The following SULT1C2 variants were observed in gnomAD, a reference collection of about 807,000 sequenced individuals.
SULT1C2 encodes sulfotransferase family 1C member 2.
Under a neutral mutation model 36.0 loss-of-function variants are expected in SULT1C2, and 27 were observed. That is an observed-to-expected ratio of 0.75 (90% confidence interval 0.55 to 1.03). The LOEUF (loss-of-function observed/expected upper bound fraction) is 1.03, where lower values mean the gene tolerates loss of function less well. Among genes scored for constraint, SULT1C2 ranks in the 50% least tolerant of loss-of-function variants. The pLI, the probability that SULT1C2 is intolerant of heterozygous loss-of-function variation, is 0.00. For synonymous variants in SULT1C2, 121 were observed against 116.0 expected (o/e 1.04, Z -0.27); for missense variants, 395 against 359.2 (o/e 1.10, Z -0.80).
At chr2:108,305,729 C>A in intron 7 of SULT1C2, 134 bp downstream of exon 7, 1 of 1,168,104 alleles carries the variant, frequency 8.6e-7, no homozygotes, top group Non-Finnish European at 1.2e-6. Context: ...TCTAATAAAA[C>A]CAGGGATTTG....
intron 7 of SULT1C2, among the ~76,000 whole-genome samples, chr2:108,306,650 G>A (rs1677031765): frequency 1.3e-5 from 2 of 152,134 alleles, no homozygotes; most frequent in African/African-American, 4.8e-5. Context: ...GCTCACGCCT[G>A]TAATCCCAGC....
At position 108,300,936 on chromosome 2, in the gene SULT1C2, G is replaced by A. The variant is rs906116835; in HGVS notation, c.375+1G>A. The A allele has an allele frequency of 5.0e-6, 8 of 1,613,926 alleles. No homozygotes were observed. In the African/African-American group the frequency reaches 6.7e-5, roughly 13 times the overall value. On this transcript the variant is annotated splice_donor_variant, in intron 4 of 7. Transcript: ENST00000251481. LOFTEE classifies it high-confidence loss of function. ...GTCTTTCTGGGAAAACAACTGCAAGGTAAGATACCAACAGCTCCCTGTGAC... is the reference window on the plus strand; with the variant it reads ...GTCTTTCTGGGAAAACAACTGCAAGATAAGATACCAACAGCTCCCTGTGAC...
At position 108,302,060 on chromosome 2, in the gene SULT1C2, T is replaced by TA. The variant is rs1676891664; in HGVS notation, c.375+1132dup. 2.0e-5 allele frequency: 3 copies of TA among 152,084 alleles called. No homozygotes were observed. The South Asian group carries it at 6.2e-4, about 32-fold the overall frequency. The allele number at this position is 152,084 out of a possible 1,614,324, so 9.4% of individuals were successfully genotyped here. On this transcript the variant is annotated intron_variant, in intron 4 of 7. Coordinates refer to ENST00000251481, the MANE Select transcript of SULT1C2 (RefSeq NM_001056.4). ...ATGTAGAACATCCAGGATTACTGCATAAAAAAATCACAAGTTTCCTTTTAA... is the reference window on the plus strand; with the variant it reads ...ATGTAGAACATCCAGGATTACTGCATAAAAAAAATCACAAGTTTCCTTTTAA...
At position 108,308,801 on chromosome 2, in the gene SULT1C2, A is replaced by G. The variant is rs1203066579; in HGVS notation, c.*337A>G. 1 of 197,960 alleles carries G rather than the reference A, an allele frequency of 5.1e-6. No homozygotes were observed. The highest frequency in any genetic ancestry group is 1.0e-5 in the Non-Finnish European group (1 of 97,986). The allele number at this position is 197,960 out of a possible 1,614,324, so 12.3% of individuals were successfully genotyped here. A position where few individuals can be genotyped will look rare whatever the true frequency, so the allele number is the denominator to read the frequency against. On this transcript the variant is annotated 3_prime_UTR_variant, in exon 8 of 8. Coordinates refer to ENST00000251481, the MANE Select transcript of SULT1C2 (RefSeq NM_001056.4). ...CAGTCTATAACATCATAATACCTTG[A>G]GTATAAGTCCAAATATTAGGTTATA...
chr2:108,305,078 TTC>T (rs1047604695), intron 5 of SULT1C2, 92 bp from the exon 6 acceptor site: 1 of 1,456,758 alleles, frequency 6.9e-7, no homozygotes, highest in African/African-American at 1.4e-5. Flanking sequence ...AATTTGGGTT[TTC>T]TCTCTCTAAC....
At chr2:108,294,434 T>C in intron 3 of SULT1C2, 80 bp downstream of exon 3, 1 of 891,300 alleles carries the variant, frequency 1.1e-6, no homozygotes. Flanking sequence ...CTCACTTTTC[T>C]CCTCTTCTCT....
chr2:108,298,574 A>C, intron 3 of SULT1C2: 4 of 256,398 alleles, frequency 1.6e-5, no homozygotes, highest in Non-Finnish European at 3.1e-5. Context: ...TAGAGACAGG[A>C]TTTCACCATG....
At chr2:108,293,383 T>C (rs995426607) in intron 1 of SULT1C2, among the ~76,000 whole-genome samples, 11 of 151,990 alleles carry the variant, frequency 7.2e-5, no homozygotes, top group African/African-American at 2.2e-4. Context: ...ATAAGGTACA[T>C]AGAGTCCATA....
At chr2:108,303,110 AGAG>A (rs1238437183) in intron 4 of SULT1C2, 1 of 152,244 alleles carries the variant, frequency 6.6e-6, no homozygotes, top group Non-Finnish European at 1.5e-5. Context: ...AAGTTGGAGA[AGAG>A]AAGATGGGGA....
chr2:108,297,360 A>G (rs1225422332), intron 3 of SULT1C2, among the ~76,000 whole-genome samples: 1 of 152,210 alleles, frequency 6.6e-6, no homozygotes, highest in Non-Finnish European at 1.5e-5. Flanking sequence ...CCAGACTGCA[A>G]ACTCTTTGAT....
intron 4 of SULT1C2, chr2:108,303,552 C>T (rs1424304738): frequency 6.6e-6 from 1 of 152,186 alleles, no homozygotes; most frequent in East Asian, 1.9e-4. Flanking sequence ...TGTGTAAAAG[C>T]CCAACAGTGG....
At chr2:108,290,531 G>C (rs1676565451) in intron 1 of SULT1C2, among the ~76,000 whole-genome samples, 1 of 152,194 alleles carries the variant, frequency 6.6e-6, no homozygotes, top group Admixed American at 6.5e-5. Flanking sequence ...ATAAATATAA[G>C]AGGTTTATTT....
At chr2:108,291,564 G>A (rs987159073) in intron 1 of SULT1C2, among the ~76,000 whole-genome samples, 1 of 151,968 alleles carries the variant, frequency 6.6e-6, no homozygotes, top group Non-Finnish European at 1.5e-5. Context: ...TGTACATTTG[G>A]ACTGTTTCCA....
chr2:108,299,943 TGATTC>T (rs1203829417), intron 3 of SULT1C2: 1 of 152,252 alleles, frequency 6.6e-6, no homozygotes, highest in African/African-American at 2.4e-5. Context: ...TCCTCTGACA[TGATTC>T]GCATGAGCCT....
Position 108,294,235 on chromosome 2 carries a change from C to T in SULT1C2, c.158C>T (p.Thr53Met), listed in dbSNP as rs551015810. 25 of 1,613,700 alleles carry T rather than the reference C, an allele frequency of 1.5e-5. No homozygotes were observed. The highest frequency in any genetic ancestry group is 6.7e-5 in the East Asian group (3 of 44,862). ...CTTCCTTTCTGAGCCTCAGGGACAA[C>T]GTGGATTCAGGAAATTGTGGATATG... ...LICTYPKAGT[T>M]WIQEIVDMIE... The change falls in exon 3 of 8, where the codon ACG becomes ATG. Residue 53 changes from threonine to methionine, a missense_variant. By Grantham distance (81) the Thr-to-Met change is moderately conservative. Transcript: ENST00000251481.
chr2:108,306,981 A>C (rs1372853955), intron 7 of SULT1C2, among the ~76,000 whole-genome samples: 5 of 152,282 alleles, frequency 3.3e-5, no homozygotes, highest in African/African-American at 1.2e-4. Context: ...ACCCCCAAGA[A>C]GTAACTACCA....
chr2:108,291,123 G>C (rs886493253), intron 1 of SULT1C2, among the ~76,000 whole-genome samples: 5 of 152,168 alleles, frequency 3.3e-5, no homozygotes, highest in African/African-American at 1.2e-4. Context: ...GATTCATGTG[G>C]CTGTAGGATG....
At chr2:108,290,682 C>G (rs1172304506) in intron 1 of SULT1C2, among the ~76,000 whole-genome samples, 1 of 152,154 alleles carries the variant, frequency 6.6e-6, no homozygotes, top group Non-Finnish European at 1.5e-5. Flanking sequence ...CAAACTCACC[C>G]ACTTCTGGGA....
chr2:108,307,549 T>C (rs919712654), intron 7 of SULT1C2, among the ~76,000 whole-genome samples: 5 of 152,246 alleles, frequency 3.3e-5, no homozygotes, highest in African/African-American at 9.6e-5. Context: ...AATGTTACAG[T>C]AAATATCTTT....
Sources: allele counts gnomAD v4.1 joint callset (sites outside exome capture counted in the v4.1 genomes callset), GRCh38; gene constraint gnomAD v4.1.1; transcripts MANE v1.5; gene names NCBI Gene and HGNC (gene_info 2026-07-23, HGNC 2026-07-21).